Variants in HFM1 observed in about 807,000 individuals in gnomAD.
HFM1 encodes the protein probable ATP-dependent DNA helicase HFM1.
HFM1 carries 169 observed loss-of-function variants against 192.1 expected under a neutral mutation model. The ratio of observed to expected loss-of-function variants is 0.88; its 90% confidence interval spans 0.78 to 1.00. The LOEUF is 1.00. HFM1 is among the 50% of genes least tolerant of loss of function. The pLI, the probability that HFM1 is intolerant of heterozygous loss-of-function variation, is 0.00. For missense variants in HFM1, 1,661 were observed against 1,668.0 expected, an observed-to-expected ratio of 1.00 and a Z score of 0.07; for synonymous variants, 525 against 537.8, an observed-to-expected ratio of 0.98 and a Z score of 0.33.
At position 91,343,457 on chromosome 1, in the gene HFM1, C is replaced by T. The variant is rs143399622; in HGVS notation, c.2308G>A (p.Asp770Asn). The T allele has an allele frequency of 2.7e-3, 3,932 of 1,444,094 alleles. 10 individuals are homozygous for T. The highest frequency in any genetic ancestry group is 3.5e-3 in the Non-Finnish European group (3,712 of 1,051,638). The allele number at this position is 1,444,094 out of a possible 1,614,324, so 89.5% of individuals were successfully genotyped here. A position where few individuals can be genotyped will look rare whatever the true frequency, so the allele number is the denominator to read the frequency against. The change falls in exon 20 of 39, where the codon GAT becomes AAT. Residue 770 changes from aspartate (D) to asparagine (N), a missense_variant. Physicochemically the swap from Asp to Asn is conservative, Grantham distance 23 (BLOSUM62 1). Coordinates refer to ENST00000370425, the MANE Select transcript of HFM1 (RefSeq NM_001017975.6). The part of the protein sequence containing the change: ...DLSSLDLIKM[D>N]EGVNFKPTEA... ...GTTGGTTTGAAATTAACACCTTCATCCATCTTTATTAAGTCCAGGGATGAT... is the reference window on the plus strand; with the variant it reads ...GTTGGTTTGAAATTAACACCTTCATTCATCTTTATTAAGTCCAGGGATGAT...
chr1:91,395,827 G>T (rs1381295180), intron 3 of HFM1, among the ~76,000 whole-genome samples: 2 of 151,356 alleles, frequency 1.3e-5, no homozygotes, highest in Non-Finnish European at 2.9e-5. Context: ...ACAAATATGT[G>T]ATAATTTGCC....
chr1:91,285,549 A>G (rs889740844), intron 30 of HFM1, among the ~76,000 whole-genome samples: 5 of 152,196 alleles, frequency 3.3e-5, no homozygotes, highest in African/African-American at 1.2e-4. Context: ...TTACTAAGAA[A>G]GAGTGTATGT....
At position 91,380,143 on chromosome 1, in the gene HFM1, C is replaced by A; in HGVS notation, c.967G>T (p.Glu323Ter). Residue 323 changes from glutamate (E) to a stop codon, truncating the protein, a stop_gained, in exon 8 of 39, where the codon GAA (glutamate) becomes TAA (stop). Transcript: ENST00000370425. LOFTEE classifies it high-confidence loss of function. The part of the protein sequence containing the change: ...FELAITRLLM[E>*]VPLPWLNIKI... ...ATATTCAACCATGGCAATGGTACTT[C>A]CATTAACAATCTTGTTATAGCTAGT... is the stretch of plus-strand genomic sequence containing the variant. 6.8e-7 allele frequency: 1 copy of A among 1,477,428 alleles called. No homozygotes were observed. The highest frequency in any genetic ancestry group is 1.2e-5 in the South Asian group (1 of 81,552). 91.5% of individuals were successfully genotyped at this position (1,477,428 alleles called of 1,614,324 possible).
chr1:91,306,899 T>C (rs1229884266), intron 30 of HFM1, among the ~76,000 whole-genome samples: 4 of 152,178 alleles, frequency 2.6e-5, no homozygotes, highest in Admixed American at 6.5e-5. Flanking sequence ...TTTTCTTCTG[T>C]CAGTTTTGGT....
intron 4 of HFM1, among the ~76,000 whole-genome samples, chr1:91,389,192 C>T (rs76325803): frequency 1.4e-5 from 2 of 142,648 alleles, no homozygotes; most frequent in East Asian, 4.2e-4. Flanking sequence ...GCTGGAGTCT[C>T]GCTCTGTCAC....
chr1:91,262,671 G>A (rs1570698825), intron 36 of HFM1, 79 bp from the exon 37 acceptor site: 4 of 835,376 alleles, frequency 4.8e-6, no homozygotes, highest in Non-Finnish European at 5.8e-6. Context: ...TGATTTTTGG[G>A]GAATATGATC....
chr1:91,383,530 T>G (rs1022232024), intron 6 of HFM1, among the ~76,000 whole-genome samples: 5 of 152,166 alleles, frequency 3.3e-5, no homozygotes, highest in African/African-American at 9.7e-5. Context: ...AGGCAACTTT[T>G]CATGAGAAGT....
At position 91,319,128 on chromosome 1, in the gene HFM1, C is replaced by T. The variant is rs1202260649; in HGVS notation, c.2762G>A (p.Cys921Tyr). The T allele has an allele frequency of 6.2e-6, 10 of 1,610,880 alleles. No homozygotes were observed. The highest frequency in any genetic ancestry group is 8.5e-6 in the Non-Finnish European group (10 of 1,179,100). The change falls in exon 25 of 39, where the codon TGT becomes TAT. Residue 921 changes from cysteine (C) to tyrosine (Y), a missense_variant. Cys to Tyr is a radical substitution (Grantham distance 194). Coordinates refer to ENST00000370425, the MANE Select transcript of HFM1 (RefSeq NM_001017975.6). The stretch of plus-strand genomic sequence containing the variant: ...ATGCAGAGAGTTTTCCCAAAGTTTA[C>T]ACCTAAAACATTTAGCTAAAATCAA... ...NSLILAKCFR[C>Y]KLWENSLHVS...
intron 30 of HFM1, among the ~76,000 whole-genome samples, chr1:91,307,547 G>A (rs906085612): frequency 6.6e-6 from 1 of 152,082 alleles, no homozygotes; most frequent in Admixed American, 6.6e-5. Flanking sequence ...CAACTTCCCA[G>A]GGTCAAATGA....
intron 30 of HFM1, among the ~76,000 whole-genome samples, chr1:91,296,378 T>TGTGTC (rs1357435715): frequency 2.0e-5 from 3 of 152,218 alleles, no homozygotes; most frequent in African/African-American, 7.2e-5. Flanking sequence ...CACTGGTTAA[T>TGTGTC]GTGTCTATCC....
intron 13 of HFM1, among the ~76,000 whole-genome samples, chr1:91,370,426 C>G (rs181779183): frequency 1.3e-5 from 2 of 152,170 alleles, no homozygotes; most frequent in Non-Finnish European, 2.9e-5. Context: ...GGATGCAAGC[C>G]TGGTTCAACA....
intron 19 of HFM1, among the ~76,000 whole-genome samples, chr1:91,346,430 C>T (rs1229671356): frequency 6.6e-6 from 1 of 152,170 alleles, no homozygotes; most frequent in Non-Finnish European, 1.5e-5. Context: ...GTGAATACAG[C>T]AGCATTATGA....
At chr1:91,331,609 A>G (rs1234058442) in intron 20 of HFM1, among the ~76,000 whole-genome samples, 4 of 152,206 alleles carry the variant, frequency 2.6e-5, no homozygotes. Flanking sequence ...AAACTATAAA[A>G]CACTGGTTGG....
chr1:91,393,325 A>T (rs1343623484), intron 4 of HFM1, among the ~76,000 whole-genome samples: 2 of 152,140 alleles, frequency 1.3e-5, no homozygotes, highest in African/African-American at 4.8e-5. Flanking sequence ...ACAGAAAACA[A>T]AAACAATCAA....
At chr1:91,308,986 G>A (rs1193274384) in intron 30 of HFM1, among the ~76,000 whole-genome samples, 1 of 152,140 alleles carries the variant, frequency 6.6e-6, no homozygotes. Flanking sequence ...TATAAGGTAT[G>A]AAGGTTTTCA....
Position 91,316,170 on chromosome 1 carries a change from A to G in HFM1, c.2913T>C (p.His971=). Residue 971 remains histidine (H), a synonymous_variant, in exon 27 of 39, where the codon CAT becomes CAC. Coordinates refer to ENST00000370425, the MANE Select transcript of HFM1 (RefSeq NM_001017975.6). ...CTTTTATCTGGGTTCCAAAGGGGGG[A>G]TGTCTGTTTAAAATCTAAAAATATT... is the stretch of plus-strand genomic sequence containing the variant. ...ARELELILNR[H]PPFGTQIKET... is the part of the protein sequence containing the mutation. The G allele has an allele frequency of 6.4e-7, 1 of 1,571,998 alleles. No homozygotes were observed. Among genetic ancestry groups the G allele is most frequent in the Non-Finnish European group, 8.7e-7 (1 of 1,152,950 alleles).
chr1:91,396,425 G>GT lies in HFM1; in HGVS notation c.72-21dup, dbSNP rs1557531864. On this transcript the variant is annotated intron_variant, in intron 2 of 38. Transcript: ENST00000370425. ...GGATGGCTATATAAAATATAAAAAT[G>GT]TGAGTATATATGTTAATAAAGATAT... is the stretch of plus-strand genomic sequence containing the variant. 2 of 1,239,646 alleles carry GT rather than the reference G, an allele frequency of 1.6e-6. No homozygotes were observed. The highest frequency in any genetic ancestry group is 2.3e-6 in the Non-Finnish European group (2 of 860,064). 76.8% of individuals were successfully genotyped at this position (1,239,646 alleles called of 1,614,324 possible). A position where few individuals can be genotyped will look rare whatever the true frequency, so the allele number is the denominator to read the frequency against.
chr1:91,347,377 C>G, intron 19 of HFM1, 52 bp downstream of exon 19: 1 of 1,055,514 alleles, frequency 9.5e-7, no homozygotes. Flanking sequence ...AATAACTGAA[C>G]TTTTTCACTA....
At chr1:91,312,136 G>A (rs1650557218) in intron 30 of HFM1, among the ~76,000 whole-genome samples, 1 of 152,208 alleles carries the variant, frequency 6.6e-6, no homozygotes, top group African/African-American at 2.4e-5. Context: ...CCCTCATGGA[G>A]AACCTCTGGT....
Sources: allele counts gnomAD v4.1 joint callset (sites outside exome capture counted in the v4.1 genomes callset), GRCh38; gene constraint gnomAD v4.1.1; transcripts MANE v1.5; gene names NCBI Gene and HGNC (gene_info 2026-07-23, HGNC 2026-07-21).